Variants in SUSD6 observed in about 807,000 individuals in gnomAD.
SUSD6 encodes sushi domain-containing protein 6.
In SUSD6, 16 loss-of-function variants were observed where a neutral mutation model predicts 28.4. The ratio of observed to expected loss-of-function variants is 0.56; its 90% confidence interval spans 0.38 to 0.86. The LOEUF (loss-of-function observed/expected upper bound fraction) is 0.86. Among genes scored for constraint, SUSD6 ranks in the 40% least tolerant of loss-of-function variants. The probability of loss-of-function intolerance (pLI) is 0.00; values close to 1 mark genes in which losing one functional copy is unlikely to be tolerated. For synonymous variants in SUSD6, 147 were observed against 159.6 expected, an observed-to-expected ratio of 0.92 and a Z score of 0.59; for missense variants, 341 against 384.2, an observed-to-expected ratio of 0.89 and a Z score of 0.94.
intron 1 of SUSD6, among the ~76,000 whole-genome samples, chr14:69,626,866 GT>G (rs60999438): frequency 8.1e-5 from 12 of 147,308 alleles, no homozygotes; most frequent in Non-Finnish European, 1.1e-4. Context: ...AAAAAAACGT[GT>G]TTTTTTTTTG....
At chr14:69,654,483 C>G (rs1222958400) in intron 1 of SUSD6, among the ~76,000 whole-genome samples, 1 of 152,118 alleles carries the variant, frequency 6.6e-6, no homozygotes, top group African/African-American at 2.4e-5. Context: ...GGAAAGAATT[C>G]CTCTAGATGA....
At chr14:69,674,306 T>C (rs1320466303) in intron 2 of SUSD6, among the ~76,000 whole-genome samples, 2 of 152,162 alleles carry the variant, frequency 1.3e-5, no homozygotes, top group Non-Finnish European at 1.5e-5. Context: ...CCTGTGTGCA[T>C]GCTTACTGGA....
At chr14:69,626,035 G>A (rs1339007724) in intron 1 of SUSD6, among the ~76,000 whole-genome samples, 1 of 152,176 alleles carries the variant, frequency 6.6e-6, no homozygotes, top group Non-Finnish European at 1.5e-5. Flanking sequence ...CTGAATGGTT[G>A]AGTTGAAGCC....
chr14:69,713,731 C>G lies in SUSD6; in HGVS notation c.*2752C>G, dbSNP rs928822804. 6.6e-6 allele frequency: 1 copy of G among 152,178 alleles called. No homozygotes were observed. The highest frequency in any genetic ancestry group is 1.9e-4 in the East Asian group (1 of 5,192). The allele number at this position is 152,178 out of a possible 1,614,324, so 9.4% of individuals were successfully genotyped here. On this transcript the variant is annotated 3_prime_UTR_variant, in exon 6 of 6. Transcript: ENST00000342745. ...GGCCACAGCCCTGCTTTACCGGGCT[C>G]ACCTCTAGGGCATTCCAGCAAGAGG...
At chr14:69,680,622 G>A (rs115516046) in intron 2 of SUSD6, among the ~76,000 whole-genome samples, 44 of 152,270 alleles carry the variant, frequency 2.9e-4, no homozygotes, top group African/African-American at 9.4e-4. Context: ...TGTACTTTCA[G>A]CTTTCTTGCC....
intron 4 of SUSD6, among the ~76,000 whole-genome samples, chr14:69,706,901 G>A (rs935622863): frequency 6.6e-6 from 1 of 152,056 alleles, no homozygotes; most frequent in African/African-American, 2.4e-5. Flanking sequence ...GAATTGATGA[G>A]CTGAAAGGAC....
chr14:69,691,486 T>C lies in SUSD6; in HGVS notation c.122-11909T>C, dbSNP rs186983610. 1.1e-4 allele frequency among the ~76,000 whole-genome samples: 17 copies of C among 152,374 alleles called. No homozygotes were observed. In the East Asian group the frequency reaches 3.1e-3, roughly 28 times the overall value. On this transcript the variant is annotated intron_variant, in intron 2 of 5. Coordinates refer to ENST00000342745, the MANE Select transcript of SUSD6 (RefSeq NM_014734.4). Reference sequence around the variant, plus strand: ...GTTACCATCCATAACTAGAGTTTACTGGTGTTTCCTTTCTTTCTTTGCGGT... The same window carrying C: ...GTTACCATCCATAACTAGAGTTTACCGGTGTTTCCTTTCTTTCTTTGCGGT...
At chr14:69,700,762 T>C (rs552981124) in intron 2 of SUSD6, among the ~76,000 whole-genome samples, 2 of 152,366 alleles carry the variant, frequency 1.3e-5, no homozygotes, top group East Asian at 3.9e-4. Context: ...TAAATTTGTA[T>C]ATAGAGTATC....
chr14:69,646,074 T>C (rs1296390135), intron 1 of SUSD6, among the ~76,000 whole-genome samples: 2 of 152,138 alleles, frequency 1.3e-5, no homozygotes, highest in Non-Finnish European at 2.9e-5. Flanking sequence ...CATGTTAAAT[T>C]TGATATAATC....
rs376316151 is a variant in SUSD6 at position 69,708,720 on chromosome 14, G to A, written c.502G>A (p.Asp168Asn). Residue 168 changes from aspartate to asparagine, a missense_variant, in exon 5 of 6, where the codon GAT (aspartate) becomes AAT (asparagine). Asp to Asn is a conservative substitution (Grantham distance 23). Coordinates refer to ENST00000342745, the MANE Select transcript of SUSD6 (RefSeq NM_014734.4). Reference protein sequence around the residue: ...VSGDQVSIMVDGVQVALPSYE... With the variant: ...VSGDQVSIMVNGVQVALPSYE... ...TGGGGACCAGGTCTCCATCATGGTG[G>A]ATGGAGTCCAGGTTGCACTACCATC... is the stretch of plus-strand genomic sequence containing the variant. 2.1e-4 allele frequency: 334 copies of A among 1,607,492 alleles called. 1 individual carries two copies. The highest frequency in any genetic ancestry group is 4.5e-4 in the South Asian group (41 of 90,272).
chr14:69,684,679 G>A (rs894741452), intron 2 of SUSD6, among the ~76,000 whole-genome samples: 3 of 152,238 alleles, frequency 2.0e-5, no homozygotes, highest in Non-Finnish European at 2.9e-5. Flanking sequence ...CTGTAGCCCC[G>A]TGAATGAGCA....
intron 2 of SUSD6, among the ~76,000 whole-genome samples, chr14:69,672,401 C>G (rs902287487): frequency 1.3e-5 from 2 of 152,122 alleles, no homozygotes; most frequent in Non-Finnish European, 2.9e-5. Context: ...AGTCATTTTC[C>G]TCTGAGAAGC....
chr14:69,668,729 G>A (rs570496893), intron 2 of SUSD6, among the ~76,000 whole-genome samples: 2 of 152,200 alleles, frequency 1.3e-5, no homozygotes, highest in Admixed American at 1.3e-4. Context: ...GGGGCTTGGT[G>A]GGAGGTGTTT....
chr14:69,612,450 A>T (rs565106533), intron 1 of SUSD6, among the ~76,000 whole-genome samples: 1 of 152,152 alleles, frequency 6.6e-6, no homozygotes, highest in South Asian at 2.1e-4. Flanking sequence ...GCACGTACAT[A>T]CAGACTTTCC....
rs138694940 is a variant in SUSD6 at position 69,650,752 on chromosome 14, T to TTTG, written c.-80-7740_-80-7738dup. On this transcript the variant is annotated intron_variant, in intron 1 of 5. Transcript: ENST00000342745. The stretch of plus-strand genomic sequence containing the variant: ...TCTCTGCAGTGTGCAGAGGCTGGGT[T>TTTG]TTGTTGTTGTTGTTGTTGTTGTTAA... 3.7e-3 allele frequency among the ~76,000 whole-genome samples: 562 copies of TTTG among 152,038 alleles called. 2 individuals are homozygous for TTTG. The highest frequency in any genetic ancestry group is 0.012 in the African/African-American group (502 of 41,466).
chr14:69,618,430 C>T (rs139510444), intron 1 of SUSD6, among the ~76,000 whole-genome samples: 1 of 152,356 alleles, frequency 6.6e-6, no homozygotes, highest in Non-Finnish European at 1.5e-5. Flanking sequence ...AACAGCTAGT[C>T]TTGCTTTCAA....
chr14:69,694,316 C>G (rs1426240319), intron 2 of SUSD6, among the ~76,000 whole-genome samples: 1 of 152,222 alleles, frequency 6.6e-6, no homozygotes, highest in East Asian at 1.9e-4. Context: ...TTACCAGGTA[C>G]TTTACCTGCA....
intron 2 of SUSD6, among the ~76,000 whole-genome samples, chr14:69,667,292 C>T (rs186945967): frequency 8.2e-4 from 124 of 151,606 alleles, no homozygotes; most frequent in African/African-American, 2.8e-3. Context: ...GGCTGGATTG[C>T]AAATGACCCA....
chr14:69,648,477 A>C (rs1232200685), intron 1 of SUSD6, among the ~76,000 whole-genome samples: 1 of 152,126 alleles, frequency 6.6e-6, no homozygotes, highest in African/African-American at 2.4e-5. Flanking sequence ...TATCCTTTTA[A>C]TTTCAGTAAA....
Sources: allele counts gnomAD v4.1 joint callset (sites outside exome capture counted in the v4.1 genomes callset), GRCh38; gene constraint gnomAD v4.1.1; transcripts MANE v1.5; gene names NCBI Gene and HGNC (gene_info 2026-07-23, HGNC 2026-07-21).